Variants in SELENOF observed in about 807,000 individuals in gnomAD.
The protein encoded by SELENOF is 15 kDa selenoprotein.
SELENOF carries 16 observed loss-of-function variants against 20.5 expected under a neutral mutation model. The ratio of observed to expected loss-of-function variants is 0.78; its 90% confidence interval spans 0.53 to 1.19. The LOEUF is 1.19. SELENOF is among the 50% of genes most tolerant of loss of function. SELENOF has a pLI of 0.00. For synonymous variants in SELENOF, 78 were observed against 74.5 expected, an observed-to-expected ratio of 1.05 and a Z score of -0.24; for missense variants, 215 against 194.2, an observed-to-expected ratio of 1.11 and a Z score of -0.64.
intron 2 of SELENOF, among the ~76,000 whole-genome samples, chr1:86,899,117 A>T (rs1659604567): frequency 6.6e-6 from 1 of 151,528 alleles, no homozygotes; most frequent in Admixed American, 6.6e-5. Context: ...GTCACAGATC[A>T]ACAGGATCCC....
At chr1:86,873,775 C>T (rs1658849086) in intron 3 of SELENOF, among the ~76,000 whole-genome samples, 1 of 151,422 alleles carries the variant, frequency 6.6e-6, no homozygotes, top group South Asian at 2.1e-4. Context: ...TCACTTGAAC[C>T]CAGAAGGTGG....
intron 3 of SELENOF, among the ~76,000 whole-genome samples, chr1:86,879,237 C>A (rs1174316609): frequency 6.6e-6 from 1 of 152,076 alleles, no homozygotes; most frequent in Non-Finnish European, 1.5e-5. Context: ...CACTATCATT[C>A]AGAGAATGGA....
intron 1 of SELENOF, among the ~76,000 whole-genome samples, chr1:86,913,024 T>C (rs1301720265): frequency 6.6e-6 from 1 of 152,148 alleles, no homozygotes; most frequent in African/African-American, 2.4e-5. Flanking sequence ...ACCAAATGCC[T>C]GAATAACAAG....
intron 3 of SELENOF, among the ~76,000 whole-genome samples, chr1:86,872,537 GTT>G (rs34910403): frequency 1.4e-5 from 2 of 138,956 alleles, no homozygotes; most frequent in Admixed American, 7.2e-5. Flanking sequence ...CCCAGCTAAT[GTT>G]TTTTTTTTTT....
intron 2 of SELENOF, among the ~76,000 whole-genome samples, chr1:86,883,964 C>CA (rs966788911): frequency 1.3e-5 from 2 of 152,064 alleles, no homozygotes; most frequent in African/African-American, 2.4e-5. Flanking sequence ...TGACCTTTTT[C>CA]AAAAAAACTT....
chr1:86,869,392 G>C (rs758770221), intron 3 of SELENOF, among the ~76,000 whole-genome samples: 2 of 152,140 alleles, frequency 1.3e-5, no homozygotes, highest in Non-Finnish European at 2.9e-5. Flanking sequence ...TAGTGACAAA[G>C]AAAACTTTTA....
intron 2 of SELENOF, among the ~76,000 whole-genome samples, chr1:86,891,181 C>T (rs539248954): frequency 6.6e-6 from 1 of 152,032 alleles, no homozygotes; most frequent in African/African-American, 2.4e-5. Flanking sequence ...TCCCGAGTAG[C>T]TGAGGTTACA....
chr1:86,866,728 G>A (rs1162249787), intron 4 of SELENOF, among the ~76,000 whole-genome samples: 2 of 152,078 alleles, frequency 1.3e-5, no homozygotes, highest in Non-Finnish European at 1.5e-5. Context: ...GTATCATTAG[G>A]GAATTGCAAA....
At chr1:86,866,195 CAAAAAAAAAAA>C (rs762072945) in intron 4 of SELENOF, among the ~76,000 whole-genome samples, 1 of 27,648 alleles carries the variant, frequency 3.6e-5, no homozygotes, top group African/African-American at 1.1e-4. Context: ...AGACCATGTC[CAAAAAAAAAAA>C]AAAAAAAAAA....
intron 3 of SELENOF, among the ~76,000 whole-genome samples, chr1:86,870,741 A>C (rs473966): frequency 0.31 from 46,444 of 151,758 alleles, 9,372 homozygotes; most frequent in African/African-American, 0.58. Context: ...GCCTCAGCCT[A>C]CCCAGCAGCT....
intron 1 of SELENOF, among the ~76,000 whole-genome samples, chr1:86,906,626 C>T (rs184930815): frequency 6.4e-4 from 98 of 152,280 alleles, no homozygotes; most frequent in Admixed American, 9.8e-4. Context: ...GAAGTCTATA[C>T]AAGAGAGACA....
intron 3 of SELENOF, among the ~76,000 whole-genome samples, chr1:86,878,554 C>A (rs763150237): frequency 6.6e-6 from 1 of 152,072 alleles, no homozygotes; most frequent in Non-Finnish European, 1.5e-5. Flanking sequence ...TGGTGGCGTG[C>A]GCCTGTAGTC....
At chr1:86,884,644 C>T (rs904462233) in intron 2 of SELENOF, among the ~76,000 whole-genome samples, 1 of 152,152 alleles carries the variant, frequency 6.6e-6, no homozygotes, top group Non-Finnish European at 1.5e-5. Flanking sequence ...GTTCCAACCT[C>T]AGTATTTTTA....
At position 86,903,277 on chromosome 1, in the gene SELENOF, G is replaced by T. The variant is rs1350808551; in HGVS notation, c.252+4C>A. ...AATGGAAGGAATATACTAGAAAACA[G>T]TACCTTTTTGGTTTCAAATTGTGCT... On this transcript the variant is annotated splice_donor_region_variant and intron_variant, in intron 2 of 4. Transcript: ENST00000331835. The T allele has an allele frequency of 1.2e-6, 2 of 1,605,914 alleles. No homozygotes were observed. Among genetic ancestry groups the T allele is most frequent in the Non-Finnish European group, 1.7e-6 (2 of 1,175,272 alleles).
At chr1:86,907,430 T>C (rs116573565) in intron 1 of SELENOF, among the ~76,000 whole-genome samples, 203 of 152,358 alleles carry the variant, frequency 1.3e-3, no homozygotes, top group African/African-American at 4.5e-3. Context: ...TTTTGCAGAC[T>C]TAAGGCTTTG....
chr1:86,868,137 C>A, intron 3 of SELENOF, 35 bp from the exon 4 acceptor site: 1 of 1,021,034 alleles, frequency 9.8e-7, no homozygotes, highest in Non-Finnish European at 1.5e-6. Context: ...CAGTAGTTCA[C>A]TTCCAAATCC....
intron 4 of SELENOF, among the ~76,000 whole-genome samples, chr1:86,864,410 G>A (rs550391624): frequency 2.6e-5 from 4 of 152,280 alleles, no homozygotes; most frequent in South Asian, 2.1e-4. Flanking sequence ...AACTAACAAT[G>A]TAGTTATGTA....
intron 2 of SELENOF, among the ~76,000 whole-genome samples, chr1:86,881,985 G>A (rs575525443): frequency 6.6e-6 from 1 of 152,102 alleles, no homozygotes; most frequent in African/African-American, 2.4e-5. Flanking sequence ...TGTAATTGCC[G>A]CTCTTAGGGA....
chr1:86,894,418 T>C (rs1028189207), intron 2 of SELENOF, among the ~76,000 whole-genome samples: 6 of 152,186 alleles, frequency 3.9e-5, no homozygotes, highest in African/African-American at 1.4e-4. Context: ...ATTTTAAAAA[T>C]ATCATGGTTT....
Sources: allele counts gnomAD v4.1 joint callset (sites outside exome capture counted in the v4.1 genomes callset), GRCh38; gene constraint gnomAD v4.1.1; transcripts MANE v1.5; gene names NCBI Gene and HGNC (gene_info 2026-07-23, HGNC 2026-07-21).